BOC: variants seen among roughly 807,000 people sequenced by gnomAD.
BOC encodes BOC cell adhesion associated, oncogene regulated, also known as brother of CDO.
A neutral mutation model predicts 112.0 loss-of-function variants in BOC; 76 were observed. That is an observed-to-expected ratio of 0.68 (90% CI 0.56 to 0.82). The LOEUF (loss-of-function observed/expected upper bound fraction) is 0.82. Among genes scored for constraint, BOC ranks in the 40% least tolerant of loss-of-function variants. BOC has a pLI of 0.00. For synonymous variants in BOC, 580 were observed against 599.8 expected (o/e 0.97, Z 0.48); for missense variants, 1,309 against 1,511.7 (o/e 0.87, Z 2.22).
Position 113,278,779 on chromosome 3 carries a change from C to G in BOC, c.1812C>G (p.Leu604=), listed in dbSNP as rs1321911017. The change falls in exon 11 of 20, where the codon CTC becomes CTG. Residue 604 remains leucine (L), a synonymous_variant. Transcript: ENST00000682979. This position sits in a 1 kb window ranked among gnomAD's most constrained non-coding sequence, Gnocchi z 4.2. ...GCAGCCAGCCAGACCACGGCCGCCT[C>G]TCCCGTAAGCCGCTAGCAGCAGGGA... ...QSSSQPDHGR[L]SPPEAPDRPT... The G allele has an allele frequency of 1.0e-5, 16 of 1,554,622 alleles. No individual in the cohort carries two copies. The East Asian group carries it at 2.7e-4, about 26-fold the overall frequency.
intron 2 of BOC, among the ~76,000 whole-genome samples, chr3:113,237,216 G>A (rs1364337076): frequency 6.6e-6 from 1 of 152,218 alleles, no homozygotes; most frequent in Non-Finnish European, 1.5e-5. Flanking sequence ...GATTAAAAGT[G>A]TTGGTGGATA....
chr3:113,280,432 C>G, intron 13 of BOC, 126 bp from the exon 14 acceptor site: 2 of 691,980 alleles, frequency 2.9e-6, no homozygotes, highest in Non-Finnish European at 5.2e-6. Context: ...CATTAGAAAT[C>G]TTTGCCAGGG....
chr3:113,212,291 C>G (rs1938331181), intron 1 of BOC: 1 of 152,016 alleles, frequency 6.6e-6, no homozygotes. Flanking sequence ...CTACGGGGCC[C>G]AGGGGCGCCG....
Position 113,272,440 on chromosome 3 carries a change from AC to A in BOC, c.704del (p.Pro235GlnfsTer47). On this transcript the variant is annotated frameshift_variant, in exon 7 of 20. Coordinates refer to ENST00000682979, the MANE Select transcript of BOC (RefSeq NM_001378074.1). LOFTEE classifies it high-confidence loss of function. ...RSTAEAARII[Y>X]PPEAQTIIVT... Reference sequence around the variant, plus strand: ...ACCGCTGAGGCTGCCCGCATCATCTACCCCCCAGAGGCCCAAACCATCATCG... The same window carrying A: ...ACCGCTGAGGCTGCCCGCATCATCTACCCCCAGAGGCCCAAACCATCATCG... 6.2e-7 allele frequency: 1 copy of A among 1,613,336 alleles called. No individual in the cohort carries two copies.
At chr3:113,228,041 T>G (rs1194573828) in intron 2 of BOC, among the ~76,000 whole-genome samples, 1 of 152,226 alleles carries the variant, frequency 6.6e-6, no homozygotes, top group Non-Finnish European at 1.5e-5. Flanking sequence ...GTACTAGGGT[T>G]TGATTTGCGA....
Position 113,278,056 on chromosome 3 carries a change from G to A in BOC, c.1543-39G>A, listed in dbSNP as rs1206786400. On this transcript the variant is annotated intron_variant, in intron 9 of 19. Coordinates refer to ENST00000682979, the MANE Select transcript of BOC (RefSeq NM_001378074.1). The surrounding 1 kb of genome is among the most constrained non-coding windows in gnomAD (Gnocchi z 4.2). ...AAACCATAGCCCACTCGTAGCCCGA[G>A]GCTGAGATGCCGGTCTTTATACCAG... is the stretch of plus-strand genomic sequence containing the variant. 2 of 1,611,684 alleles carry A rather than the reference G, an allele frequency of 1.2e-6. No homozygotes were observed. Among genetic ancestry groups the A allele is most frequent in the East Asian group, 2.2e-5 (1 of 44,868 alleles).
chr3:113,249,654 TG>T, intron 2 of BOC, 67 bp from the exon 3 acceptor site: 2 of 598,698 alleles, frequency 3.3e-6, no homozygotes, highest in Non-Finnish European at 5.6e-6. Flanking sequence ...CCAAGCCCTG[TG>T]GCCACCACAG....
intron 2 of BOC, among the ~76,000 whole-genome samples, chr3:113,241,413 C>T (rs1944271803): frequency 6.6e-6 from 1 of 152,076 alleles, no homozygotes; most frequent in Admixed American, 6.6e-5. Context: ...GATGCTGCAG[C>T]CCTCTCCCCC....
At chr3:113,272,385 G>GTCCTTGCCC in intron 6 of BOC, 25 bp from the exon 7 acceptor site, 1 of 1,608,592 alleles carries the variant, frequency 6.2e-7, no homozygotes, top group Non-Finnish European at 8.5e-7. Context: ...CACGCCTTCT[G>GTCCTTGCCC]TCCTTGCCCT....
chr3:113,218,936 G>C (rs1440928983), intron 2 of BOC, among the ~76,000 whole-genome samples: 1 of 152,232 alleles, frequency 6.6e-6, no homozygotes, highest in African/African-American at 2.4e-5. Flanking sequence ...GAACAACAAG[G>C]TGGCTTTCTA....
Position 113,278,979 on chromosome 3 carries a change from G to T in BOC, c.1816+196G>T, listed in dbSNP as rs1039931003. On this transcript the variant is annotated intron_variant, in intron 11 of 19. Transcript: ENST00000682979. The surrounding 1 kb of genome is among the most constrained non-coding windows in gnomAD (Gnocchi z 4.2). The stretch of plus-strand genomic sequence containing the variant: ...CATTGATGCTGGGATTGCTCACTGG[G>T]TGCATCCAGAGAGCAGCAGAGGCCA... 1.6e-6 allele frequency: 1 copy of T among 643,738 alleles called. No individual in the cohort carries two copies. Among genetic ancestry groups the T allele is most frequent in the East Asian group, 2.7e-5 (1 of 36,598 alleles). 39.9% of individuals were successfully genotyped at this position (643,738 alleles called of 1,614,324 possible). A position where few individuals can be genotyped will look rare whatever the true frequency, so the allele number is the denominator to read the frequency against.
intron 2 of BOC, among the ~76,000 whole-genome samples, chr3:113,229,940 ATAT>A (rs1942335757): frequency 6.6e-6 from 1 of 152,168 alleles, no homozygotes; most frequent in Non-Finnish European, 1.5e-5. Context: ...AGTGGTGAAA[ATAT>A]TGATGTCAAG....
At chr3:113,279,630 C>T in intron 12 of BOC, 175 bp downstream of exon 12, 1 of 814,548 alleles carries the variant, frequency 1.2e-6, no homozygotes, top group Non-Finnish European at 1.9e-6. Flanking sequence ...CTGCCTCCCT[C>T]CAGAAGAGCA....
At chr3:113,236,266 G>GTGTGTC (rs10634988) in intron 2 of BOC, among the ~76,000 whole-genome samples, 1,633 of 52,620 alleles carry the variant, frequency 0.031, 138 homozygotes, top group African/African-American at 0.09. Flanking sequence ...GTGTGTGTGT[G>GTGTGTC]TATATATACC....
Position 113,274,332 on chromosome 3 carries a change from C to G in BOC, c.1235-43C>G, listed in dbSNP as rs770611976. 6.8e-7 allele frequency: 1 copy of G among 1,475,160 alleles called. No individual in the cohort carries two copies. The highest frequency in any genetic ancestry group is 2.3e-5 in the Admixed American group (1 of 44,330). 91.4% of individuals were successfully genotyped at this position (1,475,160 alleles called of 1,614,324 possible). On this transcript the variant is annotated intron_variant, in intron 8 of 19. Transcript: ENST00000682979. The surrounding 1 kb of genome is among the most constrained non-coding windows in gnomAD (Gnocchi z 4.8). ...CAGGAACAACAGCTCAGCAGGTAAA[C>G]CAGGAGACTAACCTTTCCTTCTGCT... is the stretch of plus-strand genomic sequence containing the variant.
chr3:113,260,309 G>C (rs558198209), intron 4 of BOC, among the ~76,000 whole-genome samples: 17 of 152,292 alleles, frequency 1.1e-4, no homozygotes, highest in Non-Finnish European at 2.5e-4. Context: ...TTTTCAAGAA[G>C]TATATAAGAA....
chr3:113,270,627 T>G, intron 5 of BOC, 174 bp from the exon 6 acceptor site: 2 of 691,950 alleles, frequency 2.9e-6, no homozygotes, highest in Non-Finnish European at 2.4e-6. Context: ...TGTTGCAAGG[T>G]TTTATGGGGA....
chr3:113,270,662 G>A, intron 5 of BOC, 139 bp from the exon 6 acceptor site: 1 of 937,596 alleles, frequency 1.1e-6, no homozygotes, highest in Non-Finnish European at 1.6e-6. Flanking sequence ...GCTTTGTCTT[G>A]TGGGGACTCA....
intron 2 of BOC, chr3:113,216,481 C>G (rs1391363423): frequency 3.2e-6 from 1 of 307,798 alleles, no homozygotes; most frequent in Non-Finnish European, 6.5e-6. Context: ...TATGTGAACC[C>G]CCTTGCTCTG....
Sources: gnomAD v4.1 joint callset for allele counts (sites outside exome capture counted in the v4.1 genomes callset) on GRCh38, gnomAD v4.1.1 for gene constraint, Gnocchi (gnomAD v3.1) non-coding constraint, MANE v1.5 for transcripts, NCBI Gene and HGNC (gene_info 2026-07-23, HGNC 2026-07-21) for gene names.